Variants in NALF1 observed in about 807,000 individuals in gnomAD.
NALF1 encodes the protein family with sequence similarity 155 member A.
A neutral mutation model predicts 48.4 loss-of-function variants in NALF1; 3 were observed. The ratio of observed to expected loss-of-function variants is 0.06; its 90% CI spans 0.03 to 0.16. NALF1 has a LOEUF of 0.16. NALF1 is among the 10% of genes least tolerant of loss of function. NALF1 has a pLI of 1.00. For missense variants in NALF1, 526 were observed against 571.5 expected, an observed-to-expected ratio of 0.92 and a Z score of 0.81; for synonymous variants, 262 against 245.7, an observed-to-expected ratio of 1.07 and a Z score of -0.62.
chr13:107,194,524 A>G (rs1029144441), intron 2 of NALF1, among the ~76,000 whole-genome samples: 2 of 152,308 alleles, frequency 1.3e-5, no homozygotes, highest in Middle Eastern at 3.4e-3. Context: ...GGCCACATAT[A>G]GAAGAATAAA....
chr13:107,833,617 A>G (rs935377442), intron 1 of NALF1, among the ~76,000 whole-genome samples: 5 of 152,124 alleles, frequency 3.3e-5, no homozygotes, highest in Non-Finnish European at 7.4e-5. Flanking sequence ...TTCCATTACA[A>G]AGGTGTCAAA....
intron 1 of NALF1, among the ~76,000 whole-genome samples, chr13:107,847,628 C>T (rs1880207555): frequency 6.6e-6 from 1 of 152,210 alleles, no homozygotes; most frequent in Non-Finnish European, 1.5e-5. Context: ...AAGTTAGAGA[C>T]AGCACACAGA....
At chr13:107,748,338 G>A (rs1312983108) in intron 1 of NALF1, among the ~76,000 whole-genome samples, 1 of 152,110 alleles carries the variant, frequency 6.6e-6, no homozygotes, top group African/African-American at 2.4e-5. Flanking sequence ...TTCCTTATGA[G>A]CAAATTGTTG....
At chr13:107,249,370 C>A (rs535415565) in intron 1 of NALF1, among the ~76,000 whole-genome samples, 1 of 152,154 alleles carries the variant, frequency 6.6e-6, no homozygotes, top group Non-Finnish European at 1.5e-5. Flanking sequence ...ACAAAAACAA[C>A]ATTATCTCAA....
chr13:107,598,983 A>G (rs1289143434), intron 1 of NALF1, among the ~76,000 whole-genome samples: 1 of 152,192 alleles, frequency 6.6e-6, no homozygotes, highest in Admixed American at 6.5e-5. Context: ...TGCTCAATAA[A>G]CATTTATCAA....
Position 107,749,737 on chromosome 13 carries a change from G to A in NALF1, c.915+115945C>T, listed in dbSNP as rs184271880. Among the ~76,000 whole-genome samples, 37 of 152,188 alleles carry A rather than the reference G, an allele frequency of 2.4e-4. No individual in the cohort carries two copies. In the East Asian group the frequency reaches 5.8e-3, roughly 24 times the overall value. Reference sequence around the variant, plus strand: ...TTCAAGGTCTAAGGTAAATATAGTCGTAGCAAATCAATAAAGTAAACTTGA... The same window carrying A: ...TTCAAGGTCTAAGGTAAATATAGTCATAGCAAATCAATAAAGTAAACTTGA... On this transcript the variant is annotated intron_variant, in intron 1 of 2. Transcript: ENST00000375915.
intron 1 of NALF1, among the ~76,000 whole-genome samples, chr13:107,669,160 G>A (rs1880931350): frequency 6.6e-6 from 1 of 151,968 alleles, no homozygotes; most frequent in Non-Finnish European, 1.5e-5. Context: ...ATACACAGAA[G>A]AAAGGAAGAA....
At chr13:107,783,142 A>G in intron 1 of NALF1, among the ~76,000 whole-genome samples, 1 of 109,574 alleles carries the variant, frequency 9.1e-6, no homozygotes, top group Middle Eastern at 6.0e-3. Flanking sequence ...CCCTACTGGG[A>G]AGTGAGGAGC....
chr13:107,291,290 A>C (rs1881615597), intron 1 of NALF1, among the ~76,000 whole-genome samples: 1 of 152,054 alleles, frequency 6.6e-6, no homozygotes. Flanking sequence ...TTAGGTGCTA[A>C]GCATAACATA....
At chr13:107,725,071 G>A (rs1040364184) in intron 1 of NALF1, among the ~76,000 whole-genome samples, 7 of 152,234 alleles carry the variant, frequency 4.6e-5, no homozygotes, top group South Asian at 2.1e-4. Flanking sequence ...ATAAAAATAC[G>A]AATAAATACA....
At chr13:107,799,841 T>C (rs1878547595) in intron 1 of NALF1, among the ~76,000 whole-genome samples, 1 of 151,960 alleles carries the variant, frequency 6.6e-6, no homozygotes, top group Non-Finnish European at 1.5e-5. Flanking sequence ...ACAACAGCAA[T>C]AACAATGACA....
chr13:107,165,094 T>C lies in NALF1; in HGVS notation c.*5403A>G, dbSNP rs905015394. 1 of 152,312 alleles carries C rather than the reference T, an allele frequency of 6.6e-6. No homozygotes were observed. 9.4% of individuals were successfully genotyped at this position (152,312 alleles called of 1,614,324 possible). A position where few individuals can be genotyped will look rare whatever the true frequency, so the allele number is the denominator to read the frequency against. On this transcript the variant is annotated 3_prime_UTR_variant, in exon 3 of 3. Coordinates refer to ENST00000375915, the MANE Select transcript of NALF1 (RefSeq NM_001080396.3). ...CCTAAACCATGGCTTTGCCCTAAGA[T>C]CCTGTGCCTTTTCTCCACATTAAAA...
intron 1 of NALF1, among the ~76,000 whole-genome samples, chr13:107,733,053 T>C (rs2138537336): frequency 6.6e-6 from 1 of 152,290 alleles, no homozygotes; most frequent in Middle Eastern, 3.4e-3. Context: ...ATCGGCACCC[T>C]GGAAAAGAAG....
At chr13:107,598,307 C>A (rs139698498) in intron 1 of NALF1, among the ~76,000 whole-genome samples, 3 of 152,156 alleles carry the variant, frequency 2.0e-5, no homozygotes, top group African/African-American at 7.2e-5. Context: ...GCTGAATCCT[C>A]ATGTTCCAAT....
At chr13:107,475,484 T>C (rs968644190) in intron 1 of NALF1, among the ~76,000 whole-genome samples, 1 of 152,226 alleles carries the variant, frequency 6.6e-6, no homozygotes, top group Non-Finnish European at 1.5e-5. Context: ...TTCTGTTTAC[T>C]AGAACTAATG....
At chr13:107,836,438 A>G (rs966282225) in intron 1 of NALF1, among the ~76,000 whole-genome samples, 2 of 152,190 alleles carry the variant, frequency 1.3e-5, no homozygotes, top group Non-Finnish European at 2.9e-5. Flanking sequence ...ATCGTTAAAC[A>G]TTAACATTCT....
At chr13:107,481,742 A>G (rs1885257188) in intron 1 of NALF1, among the ~76,000 whole-genome samples, 1 of 152,118 alleles carries the variant, frequency 6.6e-6, no homozygotes, top group African/African-American at 2.4e-5. Context: ...GCATCTAATT[A>G]ACAGCATAAG....
intron 1 of NALF1, among the ~76,000 whole-genome samples, chr13:107,863,689 G>C (rs1880637381): frequency 6.6e-6 from 1 of 152,102 alleles, no homozygotes; most frequent in African/African-American, 2.4e-5. Context: ...ACATAATCCA[G>C]AAGTAGGCAA....
At chr13:107,209,876 T>C (rs1263169020) in intron 2 of NALF1, among the ~76,000 whole-genome samples, 11 of 152,214 alleles carry the variant, frequency 7.2e-5, no homozygotes, top group Admixed American at 7.2e-4. Flanking sequence ...AAGTATCTTG[T>C]TCTCACCATT....
Sources: allele counts gnomAD v4.1 joint callset (sites outside exome capture counted in the v4.1 genomes callset), GRCh38; gene constraint gnomAD v4.1.1; transcripts MANE v1.5; gene names NCBI Gene and HGNC (gene_info 2026-07-23, HGNC 2026-07-21).